Variants in DLGAP1 observed in about 807,000 individuals in gnomAD.
DLGAP1 encodes the protein disks large-associated protein 1.
In DLGAP1, 11 loss-of-function variants were observed where a neutral mutation model predicts 90.8. The ratio of observed to expected loss-of-function variants is 0.12; its 90% CI spans 0.08 to 0.20. DLGAP1 has a LOEUF of 0.20. DLGAP1 is among the 10% of genes least tolerant of loss of function. The pLI, the probability that DLGAP1 is intolerant of heterozygous loss-of-function variation, is 1.00. For synonymous variants in DLGAP1, 558 were observed against 540.7 expected (o/e 1.03, Z -0.44); for missense variants, 1,050 against 1,333.8 (o/e 0.79, Z 3.31).
At chr18:3,975,870 A>G (rs186524100) in intron 3 of DLGAP1, among the ~76,000 whole-genome samples, 89 of 152,242 alleles carry the variant, frequency 5.8e-4, no homozygotes, top group African/African-American at 1.9e-3. Context: ...ACCTAGAGAA[A>G]TCAAATTCAT....
In DLGAP1 at chr18:3,879,496, G is replaced by A. The variant is rs2071091457; in HGVS notation, c.573C>T (p.Pro191=). 1.2e-6 allele frequency: 2 copies of A among 1,603,978 alleles called. No homozygotes were observed. The highest frequency in any genetic ancestry group is 4.5e-5 in the East Asian group (2 of 44,864). Residue 191 remains proline (P), a synonymous_variant, in exon 4 of 13, where the codon CCC becomes CCT. Coordinates refer to ENST00000315677, the MANE Select transcript of DLGAP1 (RefSeq NM_004746.4). The surrounding 1 kb of genome is among the most constrained non-coding windows in gnomAD (Gnocchi z 6.6). ...CCGGGGAGGTGCTGGGCCGGGCCTT[G>A]GGCTCCGCGCGCCGCTCCTTGCTCT... is the stretch of plus-strand genomic sequence containing the variant. ...RSKSKERRAE[P]KARPSTSPGW...
At chr18:3,674,293 T>TAAAA (rs763030375) in intron 7 of DLGAP1, among the ~76,000 whole-genome samples, 2,711 of 76,532 alleles carry the variant, frequency 0.035, 121 homozygotes, top group African/African-American at 0.093. Context: ...TCTATAATAT[T>TAAAA]AAAATATATA....
At chr18:3,635,202 C>T (rs917344818) in intron 7 of DLGAP1, among the ~76,000 whole-genome samples, 1 of 150,586 alleles carries the variant, frequency 6.6e-6, no homozygotes, top group Non-Finnish European at 1.5e-5. Context: ...GGGATCTCGG[C>T]TCACTGCAAG....
chr18:4,430,603 A>T (rs2083269090), intron 1 of DLGAP1: 1 of 149,998 alleles, frequency 6.7e-6, no homozygotes, highest in Admixed American at 6.7e-5. Context: ...TTGAGGTATA[A>T]TTCACCAGTA....
intron 9 of DLGAP1, among the ~76,000 whole-genome samples, chr18:3,540,591 T>G (rs1028805045): frequency 6.7e-6 from 1 of 150,322 alleles, no homozygotes; most frequent in Non-Finnish European, 1.5e-5. Context: ...GGCATAAGCA[T>G]CCCTTGTGCA....
Position 3,686,327 on chromosome 18 carries a change from G to GTAGGGATCCCATA in DLGAP1, c.1591+42807_1591+42808insTATGGGATCCCTA, listed in dbSNP as rs71297351. ...CAAAAAGCACTAGGAATCCCTAACA[G>GTAGGGATCCCATA]ATTCCTTCAATTAAGGAATCATGGG... On this transcript the variant is annotated intron_variant, in intron 7 of 12. Transcript: ENST00000315677. 9.7e-3 allele frequency among the ~76,000 whole-genome samples: 1,478 copies of GTAGGGATCCCATA among 152,162 alleles called. 55 individuals are homozygous for GTAGGGATCCCATA. The highest frequency in any genetic ancestry group is 0.069 in the Admixed American group (1,061 of 15,280).
At chr18:4,337,142 A>G (rs1203136823) in intron 1 of DLGAP1, among the ~76,000 whole-genome samples, 1 of 147,432 alleles carries the variant, frequency 6.8e-6, no homozygotes, top group Admixed American at 6.7e-5. Flanking sequence ...AAAAAAAAAA[A>G]GAGCAAAAGT....
intron 7 of DLGAP1, among the ~76,000 whole-genome samples, chr18:3,706,007 TCTCA>T (rs558964664): frequency 1.7e-5 from 2 of 121,138 alleles, no homozygotes; most frequent in Admixed American, 8.8e-5. Context: ...TGAGATGGAA[TCTCA>T]CTCACTCTGT....
chr18:3,524,154 G>C (rs775721882), intron 10 of DLGAP1, among the ~76,000 whole-genome samples: 18 of 152,048 alleles, frequency 1.2e-4, no homozygotes, highest in Non-Finnish European at 2.4e-4. Flanking sequence ...ACACATCTGT[G>C]GTCCCAGCTA....
chr18:3,773,321 C>T (rs773291800), intron 5 of DLGAP1, among the ~76,000 whole-genome samples: 17 of 151,988 alleles, frequency 1.1e-4, no homozygotes, highest in Non-Finnish European at 1.8e-4. Context: ...GATAATTTAT[C>T]TTTTTTGTTT....
rs377706564 is a variant in DLGAP1, at chr18:3,936,326, C to A, written c.-72-56186G>T. Among the ~76,000 whole-genome samples, 4 of 152,360 alleles carry A rather than the reference C, an allele frequency of 2.6e-5. No individual in the cohort carries two copies. The South Asian group carries it at 8.3e-4, about 32-fold the overall frequency. ...GGGCCTCTCTCAGCTCCACTCCTTG[C>A]TCTACAATTTGCCCCCAAGTGACAC... On this transcript the variant is annotated intron_variant, in intron 3 of 12. Transcript: ENST00000315677.
intron 7 of DLGAP1, among the ~76,000 whole-genome samples, chr18:3,587,392 G>C (rs545296310): frequency 6.6e-6 from 1 of 152,268 alleles, no homozygotes; most frequent in Non-Finnish European, 1.5e-5. Context: ...TTCCTGGGTC[G>C]AGTGGGGACT....
In DLGAP1 at chr18:4,298,390, C is replaced by T. The variant is rs115197034; in HGVS notation, c.-266-147103G>A. Reference sequence around the variant, plus strand: ...AAGTTCTCAAAGTGTGTTCCCACATCAGCCCTGGGGAATAGTTAAAGAAGC... The same window carrying T: ...AAGTTCTCAAAGTGTGTTCCCACATTAGCCCTGGGGAATAGTTAAAGAAGC... On this transcript the variant is annotated intron_variant, in intron 1 of 12. Transcript: ENST00000315677. Among the ~76,000 whole-genome samples, 884 of 152,260 alleles carry T rather than the reference C, an allele frequency of 5.8e-3. 10 individuals are homozygous for T. Among genetic ancestry groups the T allele is most frequent in the African/African-American group, 0.02 (826 of 41,526 alleles).
At chr18:3,932,119 C>T (rs2072530534) in intron 3 of DLGAP1, among the ~76,000 whole-genome samples, 1 of 152,096 alleles carries the variant, frequency 6.6e-6, no homozygotes, top group South Asian at 2.1e-4. Flanking sequence ...CTTAAGCATC[C>T]TAATAAGGCT....
At chr18:3,856,839 C>T (rs1256646615) in intron 4 of DLGAP1, among the ~76,000 whole-genome samples, 10 of 151,244 alleles carry the variant, frequency 6.6e-5, no homozygotes, top group East Asian at 1.9e-4. Context: ...CCAGCCTGGG[C>T]GACAGAGCAA....
intron 7 of DLGAP1, among the ~76,000 whole-genome samples, chr18:3,673,897 C>T (rs1377885327): frequency 1.1e-4 from 17 of 150,676 alleles, no homozygotes; most frequent in Admixed American, 4.6e-4. Context: ...GGCTGGAGTG[C>T]AGTGGTGCGA....
In DLGAP1 at chr18:4,208,438, C is replaced by T. The variant is rs541909006; in HGVS notation, c.-266-57151G>A. Among the ~76,000 whole-genome samples the T allele has an allele frequency of 4.5e-4, 68 of 152,238 alleles. 1 individual carries two copies. The highest frequency in any genetic ancestry group is 1.4e-3 in the African/African-American group (58 of 41,540). On this transcript the variant is annotated intron_variant, in intron 1 of 12. Coordinates refer to ENST00000315677, the MANE Select transcript of DLGAP1 (RefSeq NM_004746.4). ...CATTAAAACACTCTTTGAACCAATG[C>T]AAAGCCCAATGACTTGACTAATTTA...
intron 1 of DLGAP1, among the ~76,000 whole-genome samples, chr18:4,269,377 G>A (rs544391580): frequency 5.3e-4 from 71 of 135,094 alleles, no homozygotes; most frequent in African/African-American, 1.6e-3. Flanking sequence ...TTTTTGAGAC[G>A]GAGTCTTGCT....
chr18:3,588,233 C>A (rs1185428978), intron 7 of DLGAP1, among the ~76,000 whole-genome samples: 1 of 151,802 alleles, frequency 6.6e-6, no homozygotes, highest in Non-Finnish European at 1.5e-5. Flanking sequence ...GCTGAGGCGG[C>A]CAGATCACCT....
Sources: gnomAD v4.1 joint callset for allele counts (sites outside exome capture counted in the v4.1 genomes callset) on GRCh38, gnomAD v4.1.1 for gene constraint, Gnocchi (gnomAD v3.1) non-coding constraint, MANE v1.5 for transcripts, NCBI Gene and HGNC (gene_info 2026-07-23, HGNC 2026-07-21) for gene names.